Variants in PPIP5K2 observed in about 807,000 individuals in gnomAD.
PPIP5K2 encodes the protein inositol hexakisphosphate and diphosphoinositol-pentakisphosphate kinase 2.
In PPIP5K2, 105 loss-of-function variants were observed where a neutral mutation model predicts 154.6. That is an observed-to-expected ratio of 0.68 (90% CI 0.58 to 0.80). The LOEUF is 0.80. Ranked by LOEUF, PPIP5K2 falls within the 30% of genes least tolerant of loss-of-function variation. The pLI, the probability that PPIP5K2 is intolerant of heterozygous loss-of-function variation, is 0.00. For synonymous variants in PPIP5K2, 480 were observed against 490.3 expected (o/e 0.98, Z 0.28); for missense variants, 992 against 1,504.6 (o/e 0.66, Z 5.64).
At position 103,167,175 on chromosome 5, in the gene PPIP5K2, G is replaced by T. The variant is rs1554218158; in HGVS notation, c.1921-4G>T. The T allele has an allele frequency of 6.5e-7, 1 of 1,542,746 alleles. No individual in the cohort carries two copies. Among genetic ancestry groups the T allele is most frequent in the East Asian group, 2.3e-5 (1 of 43,030 alleles). On this transcript the variant is annotated splice_polypyrimidine_tract_variant and splice_region_variant and intron_variant, in intron 17 of 30. Transcript: ENST00000358359. ...TATAAAATATATACTTTACTCATTTGTAGCTTACTCCATCTGGAAGCATTT... is the reference window on the plus strand; with the variant it reads ...TATAAAATATATACTTTACTCATTTTTAGCTTACTCCATCTGGAAGCATTT...
At position 103,211,765 on chromosome 5, in the gene PPIP5K2, C is replaced by T. The variant is rs1471220492; in HGVS notation, c.*10131C>T. On this transcript the variant is annotated 3_prime_UTR_variant, in exon 31 of 31. Transcript: ENST00000358359. Reference sequence around the variant, plus strand: ...CCTGATGATACAAATATGAAAAGTCCTGTTTCCAGGGAATTTACTTTCTAA... The same window carrying T: ...CCTGATGATACAAATATGAAAAGTCTTGTTTCCAGGGAATTTACTTTCTAA... 1 of 151,950 alleles carries T rather than the reference C, an allele frequency of 6.6e-6. No individual in the cohort carries two copies. The highest frequency in any genetic ancestry group is 2.4e-5 in the African/African-American group (1 of 41,300). The allele number at this position is 151,950 out of a possible 1,614,324, so 9.4% of individuals were successfully genotyped here.
In PPIP5K2 at chr5:103,177,669, A is replaced by G. The variant is rs1554221371; in HGVS notation, c.2532A>G (p.Glu844=). 6.3e-7 allele frequency: 1 copy of G among 1,596,940 alleles called. No individual in the cohort carries two copies. The stretch of plus-strand genomic sequence containing the variant: ...TACCACATGTATCTTTTGTTCAGGA[A>G]TCAAAGGATGAACAGTGGAAACGAG... ...SILRYGALCN[E]SKDEQWKRAM... Residue 844 remains glutamate, a splice_region_variant and synonymous_variant, in exon 22 of 31, where the codon GAA becomes GAG. Transcript: ENST00000358359.
At position 103,159,179 on chromosome 5, in the gene PPIP5K2, A is replaced by AT; in HGVS notation, c.1773dup (p.Leu592SerfsTer16). ...AGCTTTGGAAGGAGAGCTTACACCC[A>AT]TTCTTGTTCAAATGGTGAAAAGTGC... On this transcript the variant is annotated frameshift_variant, in exon 17 of 31. Transcript: ENST00000358359. LOFTEE classifies it high-confidence loss of function. The AT allele has an allele frequency of 6.2e-7, 1 of 1,607,706 alleles. No homozygotes were observed. Among genetic ancestry groups the AT allele is most frequent in the Non-Finnish European group, 8.5e-7 (1 of 1,176,008 alleles).
chr5:103,190,055 TA>T (rs1800980973), intron 28 of PPIP5K2, among the ~76,000 whole-genome samples: 1 of 152,044 alleles, frequency 6.6e-6, no homozygotes, highest in Admixed American at 6.6e-5. Flanking sequence ...TTTTCTTTTT[TA>T]AAAAAGTGAA....
intron 27 of PPIP5K2, among the ~76,000 whole-genome samples, chr5:103,186,808 G>T (rs1246328739): frequency 6.6e-6 from 1 of 152,042 alleles, no homozygotes; most frequent in African/African-American, 2.4e-5. Flanking sequence ...AAAGTGAGTG[G>T]AATGTTTATA....
chr5:103,186,078 A>T (rs144686040), intron 26 of PPIP5K2, among the ~76,000 whole-genome samples: 116 of 152,168 alleles, frequency 7.6e-4, no homozygotes, highest in African/African-American at 2.6e-3. Flanking sequence ...TTTCTCAAAG[A>T]TAACATTTTG....
rs532291035 is a variant in PPIP5K2 at position 103,206,590 on chromosome 5, A to G, written c.*4956A>G. The G allele has an allele frequency of 6.6e-6, 1 of 152,362 alleles. No individual in the cohort carries two copies. Among genetic ancestry groups the G allele is most frequent in the South Asian group, 2.1e-4 (1 of 4,828 alleles). 9.4% of individuals were successfully genotyped at this position (152,362 alleles called of 1,614,324 possible). On this transcript the variant is annotated 3_prime_UTR_variant, in exon 31 of 31. Transcript: ENST00000358359. Reference sequence around the variant, plus strand: ...TACATCATAGGAAGCTGTTCCATGCATAGCAGCATGTCTAGTAGGATCTCT... The same window carrying G: ...TACATCATAGGAAGCTGTTCCATGCGTAGCAGCATGTCTAGTAGGATCTCT...
At chr5:103,170,928 T>C (rs1797888522) in intron 19 of PPIP5K2, among the ~76,000 whole-genome samples, 1 of 151,518 alleles carries the variant, frequency 6.6e-6, no homozygotes, top group Non-Finnish European at 1.5e-5. Flanking sequence ...TTTTAACTTG[T>C]TTAGAATAAT....
intron 28 of PPIP5K2, chr5:103,189,191 G>T: frequency 6.5e-7 from 1 of 1,531,548 alleles, no homozygotes; most frequent in Non-Finnish European, 8.7e-7. Context: ...TATAGGTGCT[G>T]GTCCGTTTCC....
At chr5:103,148,117 T>A (rs1339185585) in intron 7 of PPIP5K2, 85 bp downstream of exon 7, 1 of 932,562 alleles carries the variant, frequency 1.1e-6, no homozygotes, top group African/African-American at 1.7e-5. Flanking sequence ...TAGCTATATC[T>A]AACCTTTATT....
At position 103,129,543 on chromosome 5, in the gene PPIP5K2, T is replaced by G. The variant is rs781961906; in HGVS notation, c.-47T>G. On this transcript the variant is annotated 5_prime_UTR_variant, in exon 2 of 31. Coordinates refer to ENST00000358359, the MANE Select transcript of PPIP5K2 (RefSeq NM_001276277.3). ...TCTGATACTATTTACTTAGAGGCAGTTTTAATATAAATCATTTCAATTATA... is the reference window on the plus strand; with the variant it reads ...TCTGATACTATTTACTTAGAGGCAGGTTTAATATAAATCATTTCAATTATA... 6.8e-7 allele frequency: 1 copy of G among 1,465,186 alleles called. No homozygotes were observed. The allele number at this position is 1,465,186 out of a possible 1,614,324, so 90.8% of individuals were successfully genotyped here.
chr5:103,182,976 A>T (rs1799771524), intron 24 of PPIP5K2, among the ~76,000 whole-genome samples: 1 of 152,080 alleles, frequency 6.6e-6, no homozygotes, highest in African/African-American at 2.4e-5. Flanking sequence ...CTTTTAAGGT[A>T]ATAAAATATT....
At chr5:103,157,160 T>G (rs1361966659) in intron 14 of PPIP5K2, among the ~76,000 whole-genome samples, 2 of 152,178 alleles carry the variant, frequency 1.3e-5, no homozygotes, top group Non-Finnish European at 2.9e-5. Context: ...GAATGATTAT[T>G]AAGTTCTTTT....
chr5:103,141,361 T>G (rs1554206654), intron 5 of PPIP5K2, among the ~76,000 whole-genome samples: 1 of 152,096 alleles, frequency 6.6e-6, no homozygotes, highest in Non-Finnish European at 1.5e-5. Context: ...ACCTTCGCGG[T>G]GAGTGTTACA....
intron 10 of PPIP5K2, among the ~76,000 whole-genome samples, chr5:103,153,298 A>G (rs1190432078): frequency 2.0e-5 from 3 of 151,966 alleles, no homozygotes; most frequent in Admixed American, 6.5e-5. Context: ...AGGTAACTCA[A>G]TTGATAATCC....
intron 24 of PPIP5K2, among the ~76,000 whole-genome samples, chr5:103,181,656 C>T (rs1799574154): frequency 6.6e-6 from 1 of 151,752 alleles, no homozygotes; most frequent in South Asian, 2.1e-4. Flanking sequence ...AAGATAGAAC[C>T]ATCAACTTTT....
Position 103,130,133 on chromosome 5 carries a change from G to T in PPIP5K2, c.114+430G>T, listed in dbSNP as rs181044558. Among the ~76,000 whole-genome samples, 4 of 152,278 alleles carry T rather than the reference G, an allele frequency of 2.6e-5. No homozygotes were observed. The East Asian group carries it at 7.7e-4, about 29-fold the overall frequency. On this transcript the variant is annotated intron_variant, in intron 2 of 30. Transcript: ENST00000358359. The stretch of plus-strand genomic sequence containing the variant: ...CAATGTGAGTTCTGGTTGAACCGAA[G>T]ATACTCATATTTATTAACTTCAGAA...
intron 16 of PPIP5K2, 87 bp from the exon 17 acceptor site, chr5:103,159,057 CTT>C (rs1795838063): frequency 4.4e-6 from 4 of 916,510 alleles, no homozygotes; most frequent in Non-Finnish European, 6.2e-6. Flanking sequence ...ATAAACTTAA[CTT>C]ATACTTTATG....
At chr5:103,156,104 G>A (rs926662456) in intron 14 of PPIP5K2, 110 bp downstream of exon 14, 5 of 659,562 alleles carry the variant, frequency 7.6e-6, no homozygotes, top group Non-Finnish European at 1.3e-5. Context: ...ATGGCATGGT[G>A]AGGAAAAATA....
Sources: gnomAD v4.1 joint callset for allele counts (sites outside exome capture counted in the v4.1 genomes callset) on GRCh38, gnomAD v4.1.1 for gene constraint, MANE v1.5 for transcripts, NCBI Gene and HGNC (gene_info 2026-07-23, HGNC 2026-07-21) for gene names.